DNAH6: variants seen among roughly 807,000 people sequenced by gnomAD.
DNAH6 encodes axonemal beta dynein heavy chain 6.
A neutral mutation model predicts 491.4 loss-of-function variants in DNAH6; 340 were observed. The ratio of observed to expected loss-of-function variants is 0.69; its 90% CI spans 0.63 to 0.76. The LOEUF (loss-of-function observed/expected upper bound fraction) is 0.76. Ranked by LOEUF, DNAH6 falls within the 30% of genes least tolerant of loss-of-function variation. The pLI, the probability that DNAH6 is intolerant of heterozygous loss-of-function variation, is 0.00. For missense variants in DNAH6, 4,443 were observed against 4,972.2 expected (o/e 0.89, Z 3.20); for synonymous variants, 1,603 against 1,686.1 (o/e 0.95, Z 1.21).
At chr2:84,675,270 C>T (rs1018049233) in intron 40 of DNAH6, among the ~76,000 whole-genome samples, 1 of 152,144 alleles carries the variant, frequency 6.6e-6, no homozygotes, top group African/African-American at 2.4e-5. Flanking sequence ...CTCCATCTCC[C>T]TCATTTTTAT....
intron 71 of DNAH6, among the ~76,000 whole-genome samples, chr2:84,807,341 A>G (rs1394311120): frequency 6.6e-6 from 1 of 152,208 alleles, no homozygotes; most frequent in African/African-American, 2.4e-5. Flanking sequence ...ACTTTTCTCA[A>G]ATACGCAAGA....
At chr2:84,524,937 A>G (rs945016779) in intron 2 of DNAH6, among the ~76,000 whole-genome samples, 6 of 152,254 alleles carry the variant, frequency 3.9e-5, no homozygotes, top group Non-Finnish European at 7.4e-5. Flanking sequence ...AACAAGTGCA[A>G]TGTAACTGAA....
At position 84,653,414 on chromosome 2, in the gene DNAH6, A is replaced by G. The variant is rs765950882; in HGVS notation, c.5174A>G (p.Asn1725Ser). The G allele has an allele frequency of 5.2e-6, 8 of 1,551,022 alleles. No homozygotes were observed. The highest frequency in any genetic ancestry group is 7.0e-6 in the Non-Finnish European group (8 of 1,146,612). The change falls in exon 34 of 77, where the codon AAT (asparagine) becomes AGT (serine). Residue 1725 changes from asparagine to serine, a missense_variant. Physicochemically the swap from Asn to Ser is conservative, Grantham distance 46. Transcript: ENST00000389394. ...STIVDVMNRQ[N>S]LQPEMCMVRK... The stretch of plus-strand genomic sequence containing the variant: ...ATTGTGGATGTCATGAATAGACAAA[A>G]TCTTCAGCCTGAGATGTGTATGGTT...
Position 84,701,401 on chromosome 2 carries a change from A to T in DNAH6, c.8061+62A>T, listed in dbSNP as rs947747134. 6.1e-5 allele frequency: 91 copies of T among 1,504,082 alleles called. No homozygotes were observed. In the East Asian group the frequency reaches 2.2e-3, roughly 36 times the overall value. The allele number at this position is 1,504,082 out of a possible 1,614,324, so 93.2% of individuals were successfully genotyped here. A position where few individuals can be genotyped will look rare whatever the true frequency, so the allele number is the denominator to read the frequency against. ...TTGAACTCAGAACTTTTGAGAATGC[A>T]TGGAAACTCTATGCACTGTCTTACC... On this transcript the variant is annotated intron_variant, in intron 49 of 76. Transcript: ENST00000389394.
chr2:84,598,109 TGG>T lies in DNAH6; in HGVS notation c.2868+2321_2868+2322del, dbSNP rs1360798017. 1.4e-3 allele frequency among the ~76,000 whole-genome samples: 203 copies of T among 146,904 alleles called. 1 individual carries two copies. The highest frequency in any genetic ancestry group is 5.0e-3 in the African/African-American group (196 of 39,288). ...AACTCGTGGTTACTCGTGGAACTCG[TGG>T]TTCTTTCTATCTTTCTTTTCTTTCT... On this transcript the variant is annotated intron_variant, in intron 18 of 76. Coordinates refer to ENST00000389394, the MANE Select transcript of DNAH6 (RefSeq NM_001370.2).
At chr2:84,642,182 G>A in intron 33 of DNAH6, 128 bp downstream of exon 33, 1 of 680,078 alleles carries the variant, frequency 1.5e-6, no homozygotes, top group Non-Finnish European at 2.5e-6. Context: ...AACTTATTTT[G>A]CAGTTTAAGA....
intron 35 of DNAH6, among the ~76,000 whole-genome samples, chr2:84,655,015 C>T (rs1382543333): frequency 2.0e-5 from 3 of 151,982 alleles, no homozygotes; most frequent in African/African-American, 7.3e-5. Flanking sequence ...CACCCTGCCT[C>T]CTGCCTATTC....
intron 24 of DNAH6, among the ~76,000 whole-genome samples, chr2:84,620,301 G>A (rs1178390512): frequency 2.0e-5 from 3 of 152,152 alleles, no homozygotes; most frequent in Non-Finnish European, 4.4e-5. Flanking sequence ...ATGGAATGAT[G>A]AGCTCGTTCA....
chr2:84,565,263 G>T (rs1315998742), intron 11 of DNAH6, among the ~76,000 whole-genome samples: 2 of 151,742 alleles, frequency 1.3e-5, no homozygotes, highest in Non-Finnish European at 2.9e-5. Context: ...AATAGTTTTA[G>T]TAGAACTGGT....
chr2:84,605,732 A>T (rs1255332126), intron 20 of DNAH6, 140 bp downstream of exon 20: 2 of 589,830 alleles, frequency 3.4e-6, no homozygotes, highest in Admixed American at 6.3e-5. Flanking sequence ...AGCAAAATGA[A>T]TGCAAATAAT....
upstream of DNAH6, among the ~76,000 whole-genome samples, chr2:84,512,351 T>C (rs1013971085): frequency 9.9e-5 from 15 of 152,148 alleles, no homozygotes; most frequent in African/African-American, 3.4e-4. Context: ...GGCAAGAGAA[T>C]ATATGAGAGA....
rs367935382 is a variant in DNAH6, at chr2:84,798,657, A to C, written c.11481+999A>C. On this transcript the variant is annotated intron_variant, in intron 70 of 76. Coordinates refer to ENST00000389394, the MANE Select transcript of DNAH6 (RefSeq NM_001370.2). ...TACAGGCCCAAAGTGCATCTATTCCATGCACCCCTTTGCCTGCTGGCCCCT... is the reference window on the plus strand; with the variant it reads ...TACAGGCCCAAAGTGCATCTATTCCCTGCACCCCTTTGCCTGCTGGCCCCT... Among the ~76,000 whole-genome samples, 6 of 152,192 alleles carry C rather than the reference A, an allele frequency of 3.9e-5. No homozygotes were observed. The East Asian group carries it at 7.7e-4, about 20-fold the overall frequency.
At chr2:84,665,087 A>G (rs1429065274) in intron 37 of DNAH6, among the ~76,000 whole-genome samples, 5 of 152,246 alleles carry the variant, frequency 3.3e-5, no homozygotes, top group Non-Finnish European at 7.3e-5. Flanking sequence ...TCTCTGGGAC[A>G]CATTTAAAGC....
intron 74 of DNAH6, 27 bp from the exon 75 acceptor site, chr2:84,813,944 G>A (rs764796045): frequency 2.3e-5 from 36 of 1,550,588 alleles, no homozygotes; most frequent in Admixed American, 3.9e-5. Context: ...TTGTTTGAAC[G>A]CAGCTTTCCG....
intron 69 of DNAH6, 85 bp from the exon 70 acceptor site, chr2:84,797,452 C>G (rs1678463795): frequency 4.4e-6 from 6 of 1,365,774 alleles, no homozygotes; most frequent in African/African-American, 1.5e-5. Context: ...CAGCCACCAT[C>G]TGCACCACAC....
chr2:84,706,578 C>T (rs1275039548), intron 52 of DNAH6, among the ~76,000 whole-genome samples: 1 of 152,150 alleles, frequency 6.6e-6, no homozygotes, highest in Non-Finnish European at 1.5e-5. Context: ...TCCACTATGG[C>T]ATGAATATTT....
intron 42 of DNAH6, among the ~76,000 whole-genome samples, chr2:84,683,884 C>A (rs1420894955): frequency 6.6e-6 from 1 of 152,168 alleles, no homozygotes; most frequent in Non-Finnish European, 1.5e-5. Context: ...CAATCTAAGT[C>A]ATTACCTGTT....
chr2:84,512,236 G>C (rs1292873619), upstream of DNAH6, among the ~76,000 whole-genome samples: 1 of 152,236 alleles, frequency 6.6e-6, no homozygotes, highest in South Asian at 2.1e-4. Context: ...AAAGAACAAA[G>C]AGTTATTTCT....
At chr2:84,617,103 T>C (rs2104377268) in intron 23 of DNAH6, 121 bp downstream of exon 23, 2 of 580,780 alleles carry the variant, frequency 3.4e-6, no homozygotes, top group South Asian at 2.6e-5. Flanking sequence ...AGATCTACGA[T>C]AATGAAAATC....
Sources: gnomAD v4.1 joint callset for allele counts (sites outside exome capture counted in the v4.1 genomes callset) on GRCh38, gnomAD v4.1.1 for gene constraint, MANE v1.5 for transcripts, NCBI Gene and HGNC (gene_info 2026-07-23, HGNC 2026-07-21) for gene names.